The following TDRD9 variants were observed in gnomAD, a reference collection of about 807,000 sequenced individuals.
The protein encoded by TDRD9 is ATP-dependent RNA helicase TDRD9.
In TDRD9, 124 loss-of-function variants were observed where a neutral mutation model predicts 172.6. The ratio of observed to expected loss-of-function variants is 0.72; its 90% CI spans 0.62 to 0.83. TDRD9 has a LOEUF of 0.83. Ranked by LOEUF, TDRD9 falls within the 40% of genes least tolerant of loss-of-function variation. The pLI is 0.00. For missense variants in TDRD9, 1,479 were observed against 1,714.1 expected (o/e 0.86, Z 2.42); for synonymous variants, 619 against 617.1 (o/e 1.00, Z -0.05).
intron 13 of TDRD9, among the ~76,000 whole-genome samples, chr14:103,999,563 C>T (rs2034180821): frequency 6.6e-6 from 1 of 151,954 alleles, no homozygotes. Flanking sequence ...GTTAAGATCA[C>T]CTGTGGCAAG....
At chr14:104,008,675 A>G (rs948616125) in intron 20 of TDRD9, among the ~76,000 whole-genome samples, 1 of 152,096 alleles carries the variant, frequency 6.6e-6, no homozygotes, top group African/African-American at 2.4e-5. Context: ...CTCCTTTTCC[A>G]GTTAAGGAAT....
At chr14:103,994,438 G>T (rs2033983187) in intron 10 of TDRD9, 52 bp downstream of exon 10, 1 of 1,603,244 alleles carries the variant, frequency 6.2e-7, no homozygotes, top group Admixed American at 1.7e-5. Flanking sequence ...CATTGTTTCT[G>T]CCTTAAATTA....
At chr14:103,995,701 T>A in intron 11 of TDRD9, 49 bp from the exon 12 acceptor site, 1 of 1,496,628 alleles carries the variant, frequency 6.7e-7, no homozygotes, top group Non-Finnish European at 9.0e-7. Context: ...TGCCTAATGA[T>A]GTTCGGAATA....
intron 3 of TDRD9, among the ~76,000 whole-genome samples, 158 bp downstream of exon 3, chr14:103,963,334 C>G (rs1373073814): frequency 6.6e-6 from 1 of 152,172 alleles, no homozygotes; most frequent in African/African-American, 2.4e-5. Context: ...CTCAGGCCAA[C>G]CTGCAGATGA....
At chr14:103,969,099 A>T (rs1265736921) in intron 5 of TDRD9, among the ~76,000 whole-genome samples, 2 of 130,728 alleles carry the variant, frequency 1.5e-5, no homozygotes, top group Admixed American at 9.8e-5. Flanking sequence ...GACTCTGTGT[A>T]AAAAAAAAAA....
At chr14:104,046,443 A>T (rs143946767) in intron 34 of TDRD9, among the ~76,000 whole-genome samples, 5 of 152,250 alleles carry the variant, frequency 3.3e-5, no homozygotes, top group Middle Eastern at 3.4e-3. Flanking sequence ...GCATATGAAC[A>T]TCTAGTGGTG....
intron 20 of TDRD9, among the ~76,000 whole-genome samples, chr14:104,011,738 G>A (rs6420939): frequency 0.97 from 148,112 of 152,294 alleles, 72,154 homozygotes; most frequent in East Asian, 1. Context: ...TGTTCTTATT[G>A]TTGTGTATTT....
intron 1 of TDRD9, chr14:103,940,496 G>C: frequency 4.4e-6 from 1 of 226,632 alleles, no homozygotes; most frequent in Middle Eastern, 1.7e-3. Flanking sequence ...TAATATCTAA[G>C]TTTTGTACAG....
At chr14:103,977,654 C>A (rs1217204007) in intron 7 of TDRD9, among the ~76,000 whole-genome samples, 10 of 125,386 alleles carry the variant, frequency 8.0e-5, no homozygotes, top group African/African-American at 2.9e-4. Flanking sequence ...TTTTGCTATG[C>A]AGAAGCTTGT....
At chr14:103,953,039 C>T (rs950246763) in intron 1 of TDRD9, among the ~76,000 whole-genome samples, 1 of 152,154 alleles carries the variant, frequency 6.6e-6, no homozygotes, top group African/African-American at 2.4e-5. Flanking sequence ...CGTGCCCAGC[C>T]AGGAATTAAA....
In TDRD9 at chr14:104,006,657, T is replaced by C. The variant is rs1566777896; in HGVS notation, c.1891T>C (p.Ser631Pro). The stretch of plus-strand genomic sequence containing the variant: ...TTTTTTATGGTTAGCGGCAGCTCTT[T>C]CTTTGAAGAATTTTTTTGCAATGCC... ...DECLIIAAAL[S>P]LKNFFAMPFR... is the part of the protein sequence containing the mutation. The change falls in exon 17 of 36, where the codon TCT becomes CCT. Residue 631 changes from serine (S) to proline (P), a missense_variant. Coordinates refer to ENST00000409874, the MANE Select transcript of TDRD9 (RefSeq NM_153046.3). 1 of 1,613,832 alleles carries C rather than the reference T, an allele frequency of 6.2e-7. No individual in the cohort carries two copies. The highest frequency in any genetic ancestry group is 8.5e-7 in the Non-Finnish European group (1 of 1,179,860).
At chr14:103,964,393 G>T (rs2032643440) in intron 3 of TDRD9, among the ~76,000 whole-genome samples, 1 of 152,150 alleles carries the variant, frequency 6.6e-6, no homozygotes, top group South Asian at 2.1e-4. Flanking sequence ...ATAGAAACTT[G>T]GGAAGAGTCA....
At chr14:103,945,263 A>T (rs915625821) in intron 1 of TDRD9, 1 of 152,184 alleles carries the variant, frequency 6.6e-6, no homozygotes, top group African/African-American at 2.4e-5. Context: ...CTTGTTTGAC[A>T]CCTTTCTTGC....
chr14:103,998,557 A>G (rs1029795966), intron 12 of TDRD9, 67 bp from the exon 13 acceptor site: 77 of 882,812 alleles, frequency 8.7e-5, no homozygotes, highest in Non-Finnish European at 1.4e-4. Flanking sequence ...ATCACTATGC[A>G]TTGTGATTTA....
At chr14:104,046,220 G>A (rs573716667) in intron 34 of TDRD9, among the ~76,000 whole-genome samples, 10 of 152,322 alleles carry the variant, frequency 6.6e-5, no homozygotes, top group African/African-American at 2.4e-4. Context: ...CTCTCAAAGT[G>A]CTGGGATTAC....
chr14:103,957,010 C>T (rs1386985624), intron 2 of TDRD9, among the ~76,000 whole-genome samples: 1 of 152,168 alleles, frequency 6.6e-6, no homozygotes, highest in Non-Finnish European at 1.5e-5. Flanking sequence ...TCAAGTAACA[C>T]TTTCTTTTTT....
intron 6 of TDRD9, among the ~76,000 whole-genome samples, chr14:103,971,603 C>T (rs932637400): frequency 5.9e-5 from 9 of 151,976 alleles, no homozygotes; most frequent in African/African-American, 1.2e-4. Flanking sequence ...TGCACTTGGC[C>T]GGGCTGACTG....
chr14:103,984,019 T>C (rs914727527), intron 7 of TDRD9, among the ~76,000 whole-genome samples: 1 of 152,172 alleles, frequency 6.6e-6, no homozygotes, highest in Non-Finnish European at 1.5e-5. Flanking sequence ...CCCTAGAGAT[T>C]TGTGGAAGTT....
At chr14:103,966,637 C>T in intron 4 of TDRD9, 72 bp from the exon 5 acceptor site, 2 of 1,361,524 alleles carry the variant, frequency 1.5e-6, no homozygotes, top group Admixed American at 2.7e-5. Flanking sequence ...TTCTTACCCC[C>T]ATTATATTAA....
Sources: allele counts gnomAD v4.1 joint callset (sites outside exome capture counted in the v4.1 genomes callset), GRCh38; gene constraint gnomAD v4.1.1; transcripts MANE v1.5; gene names NCBI Gene and HGNC (gene_info 2026-07-23, HGNC 2026-07-21).